SHQ1: variants seen among roughly 807,000 people sequenced by gnomAD.
SHQ1 encodes the protein SHQ1, H/ACA ribonucleoprotein assembly factor.
SHQ1 carries 49 observed loss-of-function variants against 53.8 expected under a neutral mutation model. That is an observed-to-expected ratio of 0.91 (90% confidence interval 0.72 to 1.16). The LOEUF (loss-of-function observed/expected upper bound fraction) is 1.16. Ranked by LOEUF, SHQ1 falls within the 50% of genes most tolerant of loss-of-function variation. The pLI is 0.00. For missense variants in SHQ1, 738 were observed against 683.1 expected (o/e 1.08, Z -0.90); for synonymous variants, 243 against 251.0 (o/e 0.97, Z 0.30).
rs770973555 is a variant in SHQ1, at chr3:72,792,915, C to T, written c.1181+1G>A. 3 of 1,578,628 alleles carry T rather than the reference C, an allele frequency of 1.9e-6. No homozygotes were observed. Among genetic ancestry groups the T allele is most frequent in the Non-Finnish European group, 2.6e-6 (3 of 1,160,420 alleles). On this transcript the variant is annotated splice_donor_variant, in intron 10 of 10. Transcript: ENST00000325599. LOFTEE classifies it high-confidence loss of function. ...TCGTAAGTAACTCTATGAAAACTTA[C>T]TTGACTTTCTGAATCCACACACAGT...
intron 9 of SHQ1, among the ~76,000 whole-genome samples, chr3:72,800,010 C>CA (rs1292197214): frequency 2.0e-5 from 3 of 152,162 alleles, no homozygotes; most frequent in Non-Finnish European, 4.4e-5. Context: ...ATGCACCCCA[C>CA]AAAAAGCATC....
intron 9 of SHQ1, among the ~76,000 whole-genome samples, chr3:72,796,990 G>C (rs1026422221): frequency 1.3e-5 from 2 of 150,632 alleles, no homozygotes; most frequent in African/African-American, 2.4e-5. Flanking sequence ...AGGCACAGTG[G>C]CTCATGCTTG....
In SHQ1 at chr3:72,792,972, C is replaced by T. The variant is rs534973484; in HGVS notation, c.1125G>A (p.Ala375=). 2.5e-5 allele frequency: 40 copies of T among 1,611,886 alleles called. No individual in the cohort carries two copies. The highest frequency in any genetic ancestry group is 1.9e-4 in the Middle Eastern group (1 of 5,194). The stretch of plus-strand genomic sequence containing the variant: ...AGATGTAGAGATCATTCAGTATGTA[C>T]GCTGGGTCATTTTCCTGAAAAATTT... ...IHKIFQENDP[A]YILNDLYISD... is the part of the protein sequence containing the mutation. Residue 375 remains alanine, a synonymous_variant, in exon 10 of 11, where the codon GCG becomes GCA. Coordinates refer to ENST00000325599, the MANE Select transcript of SHQ1 (RefSeq NM_018130.3).
chr3:72,827,601 T>C (rs893786658), intron 5 of SHQ1, among the ~76,000 whole-genome samples: 12 of 152,158 alleles, frequency 7.9e-5, no homozygotes, highest in African/African-American at 2.9e-4. Flanking sequence ...AATACAGTCC[T>C]AGTAATCTGA....
At chr3:72,848,102 G>C in intron 1 of SHQ1, 96 bp downstream of exon 1, 1 of 1,455,274 alleles carries the variant, frequency 6.9e-7, no homozygotes, top group Non-Finnish European at 9.5e-7. Flanking sequence ...AAAGGCATTC[G>C]CGCAATCGAG....
At chr3:72,780,243 T>G (rs933427392) in intron 10 of SHQ1, among the ~76,000 whole-genome samples, 2 of 152,198 alleles carry the variant, frequency 1.3e-5, no homozygotes, top group Non-Finnish European at 2.9e-5. Context: ...ACTAGAATTG[T>G]GAAAGCTTGA....
intron 5 of SHQ1, among the ~76,000 whole-genome samples, chr3:72,828,973 G>A (rs1212023188): frequency 6.6e-6 from 1 of 151,974 alleles, no homozygotes; most frequent in Non-Finnish European, 1.5e-5. Flanking sequence ...CTAGAAGCAG[G>A]GATGCCAGTT....
chr3:72,832,458 A>T lies in SHQ1; in HGVS notation c.510T>A (p.Asp170Glu). ...CAGGGGTGAAATCTGGATCCTTAAT[A>T]TCAATAACATCACTCAGTTCATCCT... The part of the protein sequence containing the change: ...RLQDELSDVI[D>E]IKDPDFTPAA... The change falls in exon 5 of 11, where the codon GAT becomes GAA. Residue 170 changes from aspartate to glutamate, a missense_variant. By Grantham distance (45) the Asp-to-Glu change is conservative. Coordinates refer to ENST00000325599, the MANE Select transcript of SHQ1 (RefSeq NM_018130.3). 6.2e-7 allele frequency: 1 copy of T among 1,611,878 alleles called. No homozygotes were observed.
At chr3:72,741,741 T>C in the SHQ1 span, among the ~76,000 whole-genome samples, 1 of 152,154 alleles carries the variant, frequency 6.6e-6, no homozygotes, top group Admixed American at 6.5e-5. Flanking sequence ...GGGATGCAGT[T>C]GGCCCTCCGT....
chr3:72,726,509 C>G, the SHQ1 span, among the ~76,000 whole-genome samples: 1 of 152,162 alleles, frequency 6.6e-6, no homozygotes, highest in Non-Finnish European at 1.5e-5. Context: ...CATGCCACCA[C>G]GTCAGCTAAT....
chr3:72,764,352 AG>A (rs1439507868), intron 10 of SHQ1, among the ~76,000 whole-genome samples: 1 of 152,134 alleles, frequency 6.6e-6, no homozygotes, highest in Non-Finnish European at 1.5e-5. Context: ...CAGACTACTA[AG>A]GTTTGAAGTA....
chr3:72,826,101 A>G (rs1307404586), intron 5 of SHQ1, among the ~76,000 whole-genome samples: 2 of 152,210 alleles, frequency 1.3e-5, no homozygotes, highest in Admixed American at 1.3e-4. Flanking sequence ...CTGAACTCTT[A>G]CTTCAGACTC....
At chr3:72,737,436 G>A in the SHQ1 span, among the ~76,000 whole-genome samples, 254 of 152,208 alleles carry the variant, frequency 1.7e-3, no homozygotes, top group Non-Finnish European at 2.2e-3. Context: ...GCATCTTTGG[G>A]GGCAGTGGCT....
At chr3:72,819,129 T>C (rs1425774906) in intron 6 of SHQ1, among the ~76,000 whole-genome samples, 1 of 152,236 alleles carries the variant, frequency 6.6e-6, no homozygotes, top group Admixed American at 6.5e-5. Context: ...TTGTGATAAT[T>C]TGTTATGCAG....
At chr3:72,847,873 G>A (rs938941493) in intron 1 of SHQ1, among the ~76,000 whole-genome samples, 1 of 152,106 alleles carries the variant, frequency 6.6e-6, no homozygotes, top group African/African-American at 2.4e-5. Flanking sequence ...GGAGTGAAAG[G>A]AAAGAACAGA....
intron 9 of SHQ1, 199 bp from the exon 10 acceptor site, chr3:72,793,235 C>T (rs532442068): frequency 9.3e-6 from 4 of 430,004 alleles, no homozygotes; most frequent in African/African-American, 6.2e-5. Context: ...TGGCCAGGCA[C>T]AGTGGCTCAC....
chr3:72,734,755 A>G, the SHQ1 span, among the ~76,000 whole-genome samples: 1 of 151,604 alleles, frequency 6.6e-6, no homozygotes, highest in Non-Finnish European at 1.5e-5. Context: ...TCAATATGCT[A>G]TTGCATTTTG....
At chr3:72,844,648 C>T (rs576032272) in intron 1 of SHQ1, among the ~76,000 whole-genome samples, 158 of 152,162 alleles carry the variant, frequency 1.0e-3, no homozygotes, top group South Asian at 7.3e-3. Context: ...TAGTCACCAA[C>T]AAAATAGATA....
chr3:72,804,058 A>G (rs1485795219), intron 9 of SHQ1, among the ~76,000 whole-genome samples: 1 of 152,156 alleles, frequency 6.6e-6, no homozygotes, highest in Non-Finnish European at 1.5e-5. Flanking sequence ...TTAGGACTAT[A>G]GGCACACACA....
Sources: allele counts gnomAD v4.1 joint callset (sites outside exome capture counted in the v4.1 genomes callset), GRCh38; gene constraint gnomAD v4.1.1; transcripts MANE v1.5; gene names NCBI Gene and HGNC (gene_info 2026-07-23, HGNC 2026-07-21).